The following HTR2C variants were observed in gnomAD, a reference collection of about 807,000 sequenced individuals.
HTR2C encodes the protein 5-hydroxytryptamine (serotonin) receptor 2C, G protein-coupled.
HTR2C carries 5 observed loss-of-function variants against 21.0 expected under a neutral mutation model. The ratio of observed to expected loss-of-function variants is 0.24; its 90% CI spans 0.12 to 0.50. HTR2C has a LOEUF of 0.50. Among genes scored for constraint, HTR2C ranks in the 20% least tolerant of loss-of-function variants. HTR2C has a pLI of 0.98. For missense variants in HTR2C, 271 were observed against 371.2 expected (o/e 0.73, Z 2.22); for synonymous variants, 150 against 145.3 (o/e 1.03, Z -0.23).
intron 2 of HTR2C, among the ~76,000 whole-genome samples, chrX:114,690,081 A>G (rs782578366): frequency 1.8e-5 from 2 of 111,965 alleles, no homozygotes; most frequent in East Asian, 5.6e-4. Context: ...TGTCACGTCT[A>G]TCACTAATTT....
chrX:114,812,467 C>T (rs1370070190), intron 4 of HTR2C, among the ~76,000 whole-genome samples: 1 of 111,070 alleles, frequency 9.0e-6, no homozygotes, highest in East Asian at 2.8e-4. Flanking sequence ...CGGTGGCTTA[C>T]ACCTATAATC....
chrX:114,875,410 A>T (rs782031779), intron 5 of HTR2C, among the ~76,000 whole-genome samples: 2 of 111,282 alleles, frequency 1.8e-5, no homozygotes, highest in South Asian at 3.8e-4. Flanking sequence ...CTTCTGTTTG[A>T]TATCATCCCA....
chrX:114,847,449 AG>A (rs2070882748), intron 4 of HTR2C, among the ~76,000 whole-genome samples: 1 of 18,406 alleles, frequency 5.4e-5, no homozygotes. Context: ...GGGTGGGGGG[AG>A]GGGGGAGGGG....
rs1475318979 is a variant in HTR2C at position 114,755,836 on chromosome X, A to C, written c.349+24229A>C. ...ACATGAGTTATTAGACATTAAGGAA[A>C]TGCAAATTTAAACCACAATGAAGTT... On this transcript the variant is annotated intron_variant, in intron 4 of 5. Coordinates refer to ENST00000276198, the MANE Select transcript of HTR2C (RefSeq NM_000868.4). Among the ~76,000 whole-genome samples, 3 of 112,030 alleles carry C rather than the reference A, an allele frequency of 2.7e-5. No individual in the cohort carries two copies. In the Admixed American group the frequency reaches 2.9e-4, roughly 11 times the overall value.
chrX:114,680,613 C>T (rs781803438), intron 2 of HTR2C, among the ~76,000 whole-genome samples: 3 of 111,652 alleles, frequency 2.7e-5, no homozygotes, highest in African/African-American at 9.7e-5. Flanking sequence ...CTTGGTCTCA[C>T]CTTCTCATCC....
chrX:114,701,121 C>T (rs782395012), intron 2 of HTR2C, among the ~76,000 whole-genome samples: 83 of 112,353 alleles, frequency 7.4e-4, no homozygotes, highest in African/African-American at 2.3e-3. Context: ...AGGCTCCACC[C>T]CTGGGGGCAG....
chrX:114,764,195 T>A (rs1556433553), intron 4 of HTR2C, among the ~76,000 whole-genome samples: 1 of 110,610 alleles, frequency 9.0e-6, no homozygotes, highest in African/African-American at 3.3e-5. Flanking sequence ...GGTTGGGAGT[T>A]CGAGACCAGC....
At chrX:114,887,421 A>G (rs782778163) in intron 5 of HTR2C, among the ~76,000 whole-genome samples, 1 of 111,711 alleles carries the variant, frequency 9.0e-6, no homozygotes, top group East Asian at 2.8e-4. Flanking sequence ...AAATCAGCCA[A>G]GAAAGGAGAA....
At chrX:114,892,333 G>A (rs1556482967) in intron 5 of HTR2C, among the ~76,000 whole-genome samples, 1 of 111,709 alleles carries the variant, frequency 9.0e-6, no homozygotes, top group African/African-American at 3.2e-5. Context: ...GGTTTCAAAT[G>A]TCATTTAGTT....
chrX:114,702,214 A>G (rs1376350356), intron 2 of HTR2C, among the ~76,000 whole-genome samples: 11 of 111,407 alleles, frequency 9.9e-5, no homozygotes, highest in African/African-American at 3.6e-4. Context: ...AGAGAATGCC[A>G]CAAAGATACT....
intron 2 of HTR2C, among the ~76,000 whole-genome samples, chrX:114,621,470 T>C (rs1389645014): frequency 2.7e-5 from 3 of 112,056 alleles, no homozygotes; most frequent in Non-Finnish European, 5.6e-5. Flanking sequence ...TATTTATCTT[T>C]TTGTATTTTT....
At chrX:114,638,924 A>C (rs1556405913) in intron 2 of HTR2C, among the ~76,000 whole-genome samples, 4 of 109,746 alleles carry the variant, frequency 3.6e-5, no homozygotes, top group Non-Finnish European at 7.6e-5. Context: ...CCAGTCTATC[A>C]TTGTTGGACA....
intron 5 of HTR2C, among the ~76,000 whole-genome samples, chrX:114,891,159 C>T (rs1485755885): frequency 2.7e-5 from 3 of 110,813 alleles, no homozygotes; most frequent in African/African-American, 9.8e-5. Context: ...GGTGTCATTT[C>T]GTTATTGATA....
intron 2 of HTR2C, among the ~76,000 whole-genome samples, chrX:114,637,398 G>A (rs1929881081): frequency 9.0e-6 from 1 of 111,639 alleles, no homozygotes; most frequent in Admixed American, 9.6e-5. Flanking sequence ...GACTAAACAA[G>A]GAGAAGTAGG....
chrX:114,726,586 C>T (rs782066041), intron 2 of HTR2C, among the ~76,000 whole-genome samples: 6 of 112,161 alleles, frequency 5.3e-5, no homozygotes, highest in African/African-American at 1.9e-4. Context: ...TGATTTGAAG[C>T]CATGTCTACT....
rs1933324219 is a variant in HTR2C, at chrX:114,723,785, T to C, written c.-79-3073T>C. Among the ~76,000 whole-genome samples, 4 of 108,656 alleles carry C rather than the reference T, an allele frequency of 3.7e-5. No individual in the cohort carries two copies. The South Asian group carries it at 1.6e-3, about 44-fold the overall frequency. 94.4% of individuals were successfully genotyped at this position (108,656 alleles called of 115,157 possible). A position where few individuals can be genotyped will look rare whatever the true frequency, so the allele number is the denominator to read the frequency against. On this transcript the variant is annotated intron_variant, in intron 2 of 5. Transcript: ENST00000276198. ...CATTTCCTTATGTACCCAGTAGTCA[T>C]TCAGGAGCAGGTTGTTCAGTTTCCA...
chrX:114,640,532 G>A (rs1930057429), intron 2 of HTR2C, among the ~76,000 whole-genome samples: 1 of 112,017 alleles, frequency 8.9e-6, no homozygotes, highest in Admixed American at 9.5e-5. Context: ...GTACACAAAA[G>A]GTGTGTGTTA....
chrX:114,786,909 G>A (rs1293946311), intron 4 of HTR2C, among the ~76,000 whole-genome samples: 1 of 110,335 alleles, frequency 9.1e-6, no homozygotes, highest in Non-Finnish European at 1.9e-5. Context: ...GTTTTGTTTT[G>A]TTTTTTGCTT....
intron 5 of HTR2C, among the ~76,000 whole-genome samples, chrX:114,904,833 G>A (rs782364770): frequency 1.3e-4 from 14 of 109,364 alleles, no homozygotes; most frequent in Non-Finnish European, 1.9e-4. Flanking sequence ...ATTACCTTAC[G>A]TTTATGATTT....
Sources: allele counts gnomAD v4.1 joint callset (sites outside exome capture counted in the v4.1 genomes callset), GRCh38; gene constraint gnomAD v4.1.1; transcripts MANE v1.5; gene names NCBI Gene and HGNC (gene_info 2026-07-23, HGNC 2026-07-21).